Variants in NGLY1 observed in about 807,000 individuals in gnomAD.
The protein encoded by NGLY1 is N-glycanase 1.
A neutral mutation model predicts 84.6 loss-of-function variants in NGLY1; 68 were observed. The observed-to-expected ratio is 0.80, with a 90% CI of 0.66 to 0.98. NGLY1 has a LOEUF of 0.98. Among genes scored for constraint, NGLY1 ranks in the 50% least tolerant of loss-of-function variants. The pLI is 0.00. For missense variants in NGLY1, 779 were observed against 770.2 expected, an observed-to-expected ratio of 1.01 and a Z score of -0.14; for synonymous variants, 280 against 275.2, an observed-to-expected ratio of 1.02 and a Z score of -0.17.
intron 1 of NGLY1, among the ~76,000 whole-genome samples, chr3:25,788,590 A>G (rs1405583830): frequency 1.3e-5 from 2 of 152,242 alleles, no homozygotes; most frequent in Non-Finnish European, 2.9e-5. Flanking sequence ...CGATTTTGTG[A>G]TATTACAAAA....
intron 10 of NGLY1, among the ~76,000 whole-genome samples, chr3:25,721,748 CAAAAAAAAAAA>C (rs59028606): frequency 1.6e-4 from 8 of 50,702 alleles, no homozygotes; most frequent in South Asian, 1.1e-3. Context: ...GACTCCATCT[CAAAAAAAAAAA>C]AAAAAAAAAA....
chr3:25,734,344 T>C (rs552573966), intron 7 of NGLY1: 6 of 159,834 alleles, frequency 3.8e-5, no homozygotes, highest in Non-Finnish European at 8.2e-5. Flanking sequence ...GCTGGGATTA[T>C]AAGCATGAGC....
In NGLY1 at chr3:25,719,275, T is replaced by C. The variant is rs749010041; in HGVS notation, c.*185A>G. Reference sequence around the variant, plus strand: ...ATTATAGTCACATATGGAAGAAAGGTTTTAATTCAATATTTTATTATAGTC... The same window carrying C: ...ATTATAGTCACATATGGAAGAAAGGCTTTAATTCAATATTTTATTATAGTC... On this transcript the variant is annotated 3_prime_UTR_variant, in exon 12 of 12. Transcript: ENST00000280700. The C allele has an allele frequency of 2.4e-5, 11 of 454,840 alleles. No individual in the cohort carries two copies. The highest frequency in any genetic ancestry group is 3.1e-5 in the Non-Finnish European group (8 of 254,378). The allele number at this position is 454,840 out of a possible 1,614,324, so 28.2% of individuals were successfully genotyped here.
At chr3:25,720,502 A>G (rs1704931491) in intron 10 of NGLY1, among the ~76,000 whole-genome samples, 1 of 152,220 alleles carries the variant, frequency 6.6e-6, no homozygotes. Flanking sequence ...TCAACTCTTT[A>G]AAATGAGTTT....
chr3:25,764,100 T>G lies in NGLY1; in HGVS notation c.458A>C (p.Gln153Pro). The change falls in exon 3 of 12, where the codon CAA (glutamine) becomes CCA (proline). Residue 153 changes from glutamine (Q) to proline (P), a missense_variant. Physicochemically the swap from Gln to Pro is moderately conservative, Grantham distance 76. Coordinates refer to ENST00000280700, the MANE Select transcript of NGLY1 (RefSeq NM_018297.4). ...AGATGGTGGATCTGATGACTGCCCT[T>G]GACGGTTCCTTGTGTGCTGGTTTAA... ...SGLNQHTRNR[Q>P]GQSSDPPSAS... is the part of the protein sequence containing the mutation. 6.2e-7 allele frequency: 1 copy of G among 1,614,214 alleles called. No individual in the cohort carries two copies. The highest frequency in any genetic ancestry group is 1.7e-5 in the Admixed American group (1 of 60,024).
chr3:25,782,162 A>G (rs927581227), intron 1 of NGLY1, among the ~76,000 whole-genome samples: 2 of 152,162 alleles, frequency 1.3e-5, no homozygotes, highest in Non-Finnish European at 1.5e-5. Context: ...ATTTACTTTA[A>G]AAATCATTAC....
chr3:25,737,828 G>A (rs1334854080), intron 5 of NGLY1, among the ~76,000 whole-genome samples: 2 of 152,144 alleles, frequency 1.3e-5, no homozygotes, highest in East Asian at 3.8e-4. Flanking sequence ...ACAGGTGTGA[G>A]CCACTGCGCC....
At chr3:25,755,951 A>G (rs1473816075) in intron 3 of NGLY1, among the ~76,000 whole-genome samples, 1 of 152,160 alleles carries the variant, frequency 6.6e-6, no homozygotes, top group Non-Finnish European at 1.5e-5. Context: ...TTTATCACTG[A>G]CAGCAGCACC....
intron 6 of NGLY1, chr3:25,737,094 G>T: frequency 2.8e-6 from 1 of 351,212 alleles, no homozygotes; most frequent in Non-Finnish European, 5.1e-6. Context: ...AAAAAATAAA[G>T]GGGAAAAAAA....
intron 2 of NGLY1, among the ~76,000 whole-genome samples, chr3:25,775,820 A>G (rs1708132174): frequency 6.6e-6 from 1 of 152,216 alleles, no homozygotes; most frequent in Non-Finnish European, 1.5e-5. Flanking sequence ...AATTCATTGT[A>G]TATTTCAAAA....
At chr3:25,775,814 C>A (rs1416594759) in intron 2 of NGLY1, among the ~76,000 whole-genome samples, 4 of 152,088 alleles carry the variant, frequency 2.6e-5, no homozygotes, top group African/African-American at 7.2e-5. Context: ...AAAAACAATT[C>A]ATTGTATATT....
intron 9 of NGLY1, chr3:25,730,426 T>G (rs1705482852): frequency 6.6e-6 from 1 of 152,140 alleles, no homozygotes; most frequent in Non-Finnish European, 1.5e-5. Context: ...GAAAACAATG[T>G]GGTATGCAAC....
chr3:25,760,880 A>AGCTCGC (rs1559549935), intron 3 of NGLY1, among the ~76,000 whole-genome samples: 12 of 9,606 alleles, frequency 1.2e-3, no homozygotes, highest in Non-Finnish European at 4.8e-3. Context: ...AAAAAAAAAA[A>AGCTCGC]AAAAAAAAAA....
At chr3:25,766,751 G>A (rs1054802996) in intron 2 of NGLY1, among the ~76,000 whole-genome samples, 3 of 152,074 alleles carry the variant, frequency 2.0e-5, no homozygotes, top group Non-Finnish European at 4.4e-5. Context: ...TCCATGGACA[G>A]AGAAGGAAAA....
In NGLY1 at chr3:25,720,136, T is replaced by A; in HGVS notation, c.1667A>T (p.Glu556Val). ...TACTTTTAGGCCAACTGACCCACAC[T>A]CAAACTTCCAGGAAATATAAGCAAA... Reference protein sequence around the residue: ...SSFAYISWKFECGSVGLKVDS... With the variant: ...SSFAYISWKFVCGSVGLKVDS... Residue 556 changes from glutamate to valine, a missense_variant, in exon 11 of 12, where the codon GAG (glutamate) becomes GTG (valine). Glu to Val is a moderately radical substitution (Grantham distance 121). Coordinates refer to ENST00000280700, the MANE Select transcript of NGLY1 (RefSeq NM_018297.4). 1.2e-6 allele frequency: 2 copies of A among 1,613,778 alleles called. No individual in the cohort carries two copies. Among genetic ancestry groups the A allele is most frequent in the Non-Finnish European group, 1.7e-6 (2 of 1,179,838 alleles).
Position 25,739,901 on chromosome 3 carries a change from T to A in NGLY1, c.659-102A>T, listed in dbSNP as rs79623349. On this transcript the variant is annotated intron_variant, in intron 4 of 11. Coordinates refer to ENST00000280700, the MANE Select transcript of NGLY1 (RefSeq NM_018297.4). ...TACGAACCTGAAAAATATGAAAACA[T>A]AAGATGATTTTAAGGTTTTCACTAA... is the stretch of plus-strand genomic sequence containing the variant. The A allele has an allele frequency of 9.6e-3, 8,483 of 879,382 alleles. 504 individuals carry two copies. In the African/African-American group the frequency reaches 0.13, roughly 13 times the overall value. The allele number at this position is 879,382 out of a possible 1,614,324, so 54.5% of individuals were successfully genotyped here.
intron 2 of NGLY1, among the ~76,000 whole-genome samples, chr3:25,772,813 G>A (rs986776550): frequency 2.0e-5 from 3 of 152,200 alleles, no homozygotes; most frequent in African/African-American, 7.2e-5. Context: ...AGCAGTTCTT[G>A]TAGTGCTAGC....
intron 4 of NGLY1, among the ~76,000 whole-genome samples, chr3:25,746,357 A>C (rs1305903005): frequency 6.6e-6 from 1 of 152,150 alleles, no homozygotes; most frequent in Non-Finnish European, 1.5e-5. Context: ...CTGCTGTGTC[A>C]TTTCTTTCCT....
rs1200185517 is a variant in NGLY1, at chr3:25,719,909, T to TA, written c.1789+104dup. 3.0e-6 allele frequency: 3 copies of TA among 986,568 alleles called. No individual in the cohort carries two copies. In the Admixed American group the frequency reaches 8.4e-5, roughly 27 times the overall value. The allele number at this position is 986,568 out of a possible 1,614,324, so 61.1% of individuals were successfully genotyped here. A position where few individuals can be genotyped will look rare whatever the true frequency, so the allele number is the denominator to read the frequency against. ...TTTTTTTTTTTTACTGAAATAGTAT[T>TA]AATAACTCTTAGGTACGAAAAAGAG... is the stretch of plus-strand genomic sequence containing the variant. On this transcript the variant is annotated intron_variant, in intron 11 of 11. Coordinates refer to ENST00000280700, the MANE Select transcript of NGLY1 (RefSeq NM_018297.4).
Sources: allele counts gnomAD v4.1 joint callset (sites outside exome capture counted in the v4.1 genomes callset), GRCh38; gene constraint gnomAD v4.1.1; transcripts MANE v1.5; gene names NCBI Gene and HGNC (gene_info 2026-07-23, HGNC 2026-07-21).